TTC6: variants seen among roughly 807,000 people sequenced by gnomAD.
TTC6 encodes tetratricopeptide repeat domain 6.
Under a neutral mutation model 210.4 loss-of-function variants are expected in TTC6, and 172 were observed. The ratio of observed to expected loss-of-function variants is 0.82; its 90% confidence interval spans 0.72 to 0.93. TTC6 has a LOEUF of 0.93. Among genes scored for constraint, TTC6 ranks in the 40% least tolerant of loss-of-function variants. The pLI is 0.00. For missense variants in TTC6, 2,414 were observed against 2,318.1 expected (o/e 1.04, Z -0.85); for synonymous variants, 804 against 819.6 (o/e 0.98, Z 0.32).
intron 29 of TTC6, 30 bp downstream of exon 31, chr14:37,827,396 T>A: frequency 1.2e-6 from 2 of 1,604,722 alleles, no homozygotes; most frequent in East Asian, 4.5e-5. Flanking sequence ...ACGCTTTCTT[T>A]TTGACCTGGA....
chr14:37,841,216 T>C (rs1043578063), intron 29 of TTC6, among the ~76,000 whole-genome samples: 1 of 152,144 alleles, frequency 6.6e-6, no homozygotes, highest in African/African-American at 2.4e-5. Flanking sequence ...ATCGTTGACA[T>C]TGTCTAGAAT....
At chr14:37,787,343 C>A (rs779246983) in intron 14 of TTC6, 125 bp from the exon 17 acceptor site, 1 of 718,770 alleles carries the variant, frequency 1.4e-6, no homozygotes, top group South Asian at 3.2e-5. Context: ...TGACTAAACT[C>A]TCTTGTGAAG....
At chr14:37,774,403 C>T (rs112085418) in intron 14 of TTC6, among the ~76,000 whole-genome samples, 5 of 152,098 alleles carry the variant, frequency 3.3e-5, no homozygotes, top group Non-Finnish European at 7.4e-5. Context: ...GGTTTGTCAT[C>T]AATGGCTCTT....
At chr14:37,819,355 G>A (rs2096150173) in intron 26 of TTC6, among the ~76,000 whole-genome samples, 1 of 152,152 alleles carries the variant, frequency 6.6e-6, no homozygotes, top group African/African-American at 2.4e-5. Context: ...GTGTCTTACA[G>A]TAGGGAAAGT....
At chr14:37,734,649 C>A (rs542828047) in intron 7 of TTC6, among the ~76,000 whole-genome samples, 17 of 152,182 alleles carry the variant, frequency 1.1e-4, no homozygotes, top group Admixed American at 3.9e-4. Flanking sequence ...TGTTTGCATC[C>A]CAGCTTTTAT....
intron 14 of TTC6, among the ~76,000 whole-genome samples, chr14:37,759,801 T>A (rs2139093263): frequency 6.6e-6 from 1 of 152,358 alleles, no homozygotes; most frequent in South Asian, 2.1e-4. Context: ...TGGCTATTGA[T>A]ACTTGTGTAT....
chr14:37,830,339 A>C (rs2096181751), intron 29 of TTC6, among the ~76,000 whole-genome samples: 1 of 152,062 alleles, frequency 6.6e-6, no homozygotes, highest in Admixed American at 6.6e-5. Context: ...GGTTAAATTT[A>C]TCAAGTACAC....
intron 1 of TTC6, among the ~76,000 whole-genome samples, chr14:37,655,102 C>G (rs766728485): frequency 2.6e-5 from 4 of 152,172 alleles, no homozygotes; most frequent in Non-Finnish European, 5.9e-5. Flanking sequence ...CTCTCATTAC[C>G]CCAGCTGTCA....
chr14:37,664,451 G>A lies in TTC6; in HGVS notation c.940-15700G>A, dbSNP rs528688130. ...CACCAGGAGAAGTGGTTATCCATATGTAGAAAATTGAAACTGGACCCTTTC... is the reference window on the plus strand; with the variant it reads ...CACCAGGAGAAGTGGTTATCCATATATAGAAAATTGAAACTGGACCCTTTC... On this transcript the variant is annotated intron_variant, in intron 1 of 30. Transcript: ENST00000553443. Among the ~76,000 whole-genome samples, 126 of 150,786 alleles carry A rather than the reference G, an allele frequency of 8.4e-4. 2 individuals are homozygous for A. The highest frequency in any genetic ancestry group is 2.8e-3 in the African/African-American group (117 of 41,460).
At chr14:37,823,793 A>G in exon 27 of TTC6, 1 of 1,613,998 alleles carries the variant, frequency 6.2e-7, no homozygotes, top group Non-Finnish European at 8.5e-7. Flanking sequence ...TTGGGCTCTT[A>G]AAATTAACCC....
At chr14:37,755,935 A>G (rs2095966284) in intron 14 of TTC6, among the ~76,000 whole-genome samples, 1 of 152,170 alleles carries the variant, frequency 6.6e-6, no homozygotes, top group South Asian at 2.1e-4. Flanking sequence ...TCTACAAATT[A>G]CTTTGGGCAG....
chr14:37,839,661 G>A (rs757369751), intron 29 of TTC6, among the ~76,000 whole-genome samples: 5 of 152,010 alleles, frequency 3.3e-5, no homozygotes, highest in East Asian at 1.9e-4. Context: ...ATTAGATCTC[G>A]TTTATCTATT....
At position 37,633,074 on chromosome 14, in the gene TTC6, T is replaced by G. The variant is rs527970263; in HGVS notation, c.939+10071T>G. On this transcript the variant is annotated intron_variant, in intron 1 of 30. Coordinates refer to ENST00000553443, the Ensembl canonical transcript of TTC6. The stretch of plus-strand genomic sequence containing the variant: ...CTCGCTGGGCTCCGTGGGGGTGAGA[T>G]CCACTGAGCGAGACCACTTGGCTCC... Among the ~76,000 whole-genome samples the G allele has an allele frequency of 2.6e-5, 4 of 152,272 alleles. No homozygotes were observed. The South Asian group carries it at 8.3e-4, about 32-fold the overall frequency.
chr14:37,621,687 C>G (rs1425540004), upstream of TTC6, among the ~76,000 whole-genome samples: 62 of 152,084 alleles, frequency 4.1e-4, no homozygotes, highest in Non-Finnish European at 7.4e-5. Context: ...CAGTTTGTGA[C>G]CTTTATTCTG....
In TTC6 at chr14:37,732,043, G is replaced by T. The variant is rs80303717; in HGVS notation, c.1819-3878G>T. Among the ~76,000 whole-genome samples the T allele has an allele frequency of 8.9e-3, 1,359 of 152,136 alleles. 27 individuals are homozygous for T. Among genetic ancestry groups the T allele is most frequent in the African/African-American group, 0.031 (1,294 of 41,536 alleles). ...GGTTGGGGGTGCCAATCCCTGCACAGTTGAAAATTCATGTGTAGCTTTCAA... is the reference window on the plus strand; with the variant it reads ...GGTTGGGGGTGCCAATCCCTGCACATTTGAAAATTCATGTGTAGCTTTCAA... On this transcript the variant is annotated intron_variant, in intron 7 of 30. Coordinates refer to ENST00000553443, the Ensembl canonical transcript of TTC6.
intron 15 of TTC6, among the ~76,000 whole-genome samples, chr14:37,790,329 G>T (rs1340916128): frequency 6.6e-6 from 1 of 152,094 alleles, no homozygotes; most frequent in Non-Finnish European, 1.5e-5. Flanking sequence ...GCCATCAAGG[G>T]TCATGGCACC....
At chr14:37,772,795 G>A (rs1040649527) in intron 14 of TTC6, among the ~76,000 whole-genome samples, 1 of 152,160 alleles carries the variant, frequency 6.6e-6, no homozygotes, top group Admixed American at 6.5e-5. Context: ...GCTGTAGACC[G>A]GAGCTGTTCC....
chr14:37,631,572 A>G (rs1186916526), intron 1 of TTC6, among the ~76,000 whole-genome samples: 1 of 152,062 alleles, frequency 6.6e-6, no homozygotes, highest in Non-Finnish European at 1.5e-5. Flanking sequence ...ACCTTGATAA[A>G]CCTGATGATT....
At chr14:37,629,667 G>A (rs1458543401) in intron 1 of TTC6, among the ~76,000 whole-genome samples, 6 of 152,166 alleles carry the variant, frequency 3.9e-5, no homozygotes, top group Admixed American at 3.3e-4. Flanking sequence ...GTGAGAGAGG[G>A]CATCCTTGTG....
Sources: allele counts gnomAD v4.1 joint callset (sites outside exome capture counted in the v4.1 genomes callset), GRCh38; gene constraint gnomAD v4.1.1; transcripts MANE v1.5; gene names NCBI Gene and HGNC (gene_info 2026-07-23, HGNC 2026-07-21).